The following HNF4G variants were observed in gnomAD, a reference collection of about 807,000 sequenced individuals.
HNF4G encodes the protein hepatocyte nuclear factor 4-gamma.
Under a neutral mutation model 50.9 loss-of-function variants are expected in HNF4G, and 21 were observed. The observed-to-expected ratio is 0.41, with a 90% CI of 0.29 to 0.59. The LOEUF (loss-of-function observed/expected upper bound fraction) is 0.59, where lower values mean the gene tolerates loss of function less well. Ranked by LOEUF, HNF4G falls within the 20% of genes least tolerant of loss-of-function variation. HNF4G has a pLI of 0.26. For synonymous variants in HNF4G, 198 were observed against 185.6 expected, an observed-to-expected ratio of 1.07 and a Z score of -0.54; for missense variants, 527 against 559.4, an observed-to-expected ratio of 0.94 and a Z score of 0.58.
chr8:75,430,896 A>G (rs962764498), intron 1 of HNF4G, among the ~76,000 whole-genome samples: 31 of 152,190 alleles, frequency 2.0e-4, no homozygotes, highest in African/African-American at 6.8e-4. Context: ...TAGATTACGA[A>G]GATTGTTGTT....
chr8:75,507,076 T>A (rs531818825), intron 2 of HNF4G, among the ~76,000 whole-genome samples: 14 of 152,284 alleles, frequency 9.2e-5, no homozygotes, highest in African/African-American at 3.1e-4. Context: ...TTGTATGTTT[T>A]TATGTGAGTG....
At chr8:75,466,105 A>G (rs1473023691) in intron 1 of HNF4G, among the ~76,000 whole-genome samples, 1 of 152,214 alleles carries the variant, frequency 6.6e-6, no homozygotes, top group African/African-American at 2.4e-5. Context: ...AATATCAAGT[A>G]GAGGCTCATT....
intron 2 of HNF4G, among the ~76,000 whole-genome samples, chr8:75,499,973 T>C (rs997482388): frequency 6.6e-6 from 1 of 152,086 alleles, no homozygotes; most frequent in African/African-American, 2.4e-5. Flanking sequence ...TATTAGGCAA[T>C]GGACTATTAG....
At chr8:75,452,481 A>C (rs1410108716) in intron 1 of HNF4G, among the ~76,000 whole-genome samples, 1 of 152,118 alleles carries the variant, frequency 6.6e-6, no homozygotes, top group Non-Finnish European at 1.5e-5. Flanking sequence ...GCACTTTGGG[A>C]GCCCGAAGCG....
At chr8:75,431,158 T>G (rs955589317) in intron 1 of HNF4G, among the ~76,000 whole-genome samples, 1 of 151,996 alleles carries the variant, frequency 6.6e-6, no homozygotes, top group Admixed American at 6.6e-5. Flanking sequence ...GAAAATTATA[T>G]AGAAGGTAGA....
chr8:75,555,974 T>C lies in HNF4G; in HGVS notation c.646-8T>C, dbSNP rs767881385. 6.8e-7 allele frequency: 1 copy of C among 1,469,328 alleles called. No homozygotes were observed. Among genetic ancestry groups the C allele is most frequent in the Non-Finnish European group, 9.2e-7 (1 of 1,090,056 alleles). 91.0% of individuals were successfully genotyped at this position (1,469,328 alleles called of 1,614,324 possible). A position where few individuals can be genotyped will look rare whatever the true frequency, so the allele number is the denominator to read the frequency against. ...AATTAATTGTTAAACTGAGAATTTT[T>C]CATTAAGGTGGCACTGTTGAGAGCT... On this transcript the variant is annotated splice_polypyrimidine_tract_variant and splice_region_variant and intron_variant, in intron 5 of 9. Coordinates refer to ENST00000396423, the MANE Select transcript of HNF4G (RefSeq NM_004133.5).
chr8:75,514,354 C>CTTTTTTTTTTTTTTTTTTTTTTT (rs36078375), intron 2 of HNF4G, among the ~76,000 whole-genome samples: 2 of 125,034 alleles, frequency 1.6e-5, no homozygotes, highest in Non-Finnish European at 3.3e-5. Context: ...TTTCTTCTTT[C>CTTTTTTTTTTTTTTTTTTTTTTT]TTTTTTTTTT....
At chr8:75,496,803 AC>A (rs1812780352) in intron 2 of HNF4G, among the ~76,000 whole-genome samples, 1 of 133,828 alleles carries the variant, frequency 7.5e-6, no homozygotes, top group Admixed American at 7.1e-5. Context: ...ATACATTATT[AC>A]TATATATATA....
intron 3 of HNF4G, among the ~76,000 whole-genome samples, chr8:75,547,930 G>A (rs557741724): frequency 6.6e-6 from 1 of 151,912 alleles, no homozygotes; most frequent in South Asian, 2.1e-4. Context: ...ATTGTCCAAG[G>A]CAACAAAATT....
chr8:75,521,182 G>T (rs1205240523), intron 2 of HNF4G, among the ~76,000 whole-genome samples: 24 of 152,048 alleles, frequency 1.6e-4, no homozygotes, highest in Admixed American at 1.5e-3. Flanking sequence ...ATCAGATCAG[G>T]TTTAAAACTG....
At position 75,528,058 on chromosome 8, in the gene HNF4G, A is replaced by T. The variant is rs530873881; in HGVS notation, c.-23-15753A>T. ...TAACCCTGTTCATGTGAGAGTGCAT[A>T]ATTGTGCATTTTGCAATTTCCTTGT... On this transcript the variant is annotated intron_variant, in intron 2 of 10. Coordinates refer to the HNF4G transcript ENST00000354370. 2.0e-5 allele frequency among the ~76,000 whole-genome samples: 3 copies of T among 152,280 alleles called. No homozygotes were observed. The South Asian group carries it at 6.2e-4, about 32-fold the overall frequency.
intron 1 of HNF4G, among the ~76,000 whole-genome samples, chr8:75,416,836 G>A (rs1810647905): frequency 6.6e-6 from 1 of 152,108 alleles, no homozygotes; most frequent in Non-Finnish European, 1.5e-5. Context: ...AAAAACACAT[G>A]CAGGTTTTGG....
chr8:75,563,476 T>G (rs1488273019), intron 9 of HNF4G, among the ~76,000 whole-genome samples: 1 of 151,916 alleles, frequency 6.6e-6, no homozygotes. Context: ...GACTACAACT[T>G]AGATTTCAGA....
At chr8:75,515,966 C>G (rs1805876610) in intron 2 of HNF4G, among the ~76,000 whole-genome samples, 1 of 152,102 alleles carries the variant, frequency 6.6e-6, no homozygotes, top group African/African-American at 2.4e-5. Flanking sequence ...GGTTTCTCAT[C>G]TTGGTCAGGC....
chr8:75,479,012 C>T (rs548192594), intron 1 of HNF4G, among the ~76,000 whole-genome samples: 1 of 152,290 alleles, frequency 6.6e-6, no homozygotes, highest in African/African-American at 2.4e-5. Flanking sequence ...ATGGCCACCC[C>T]GCTCGGCCGG....
At chr8:75,535,156 A>G (rs1206936210), upstream of HNF4G, among the ~76,000 whole-genome samples, 1 of 151,820 alleles carries the variant, frequency 6.6e-6, no homozygotes, top group Admixed American at 6.6e-5. Flanking sequence ...GAATCCCATC[A>G]TAAGAGGCAA....
intron 1 of HNF4G, among the ~76,000 whole-genome samples, chr8:75,487,362 T>C (rs540014592): frequency 6.6e-6 from 1 of 152,218 alleles, no homozygotes; most frequent in Admixed American, 6.5e-5. Context: ...TTTATATTTG[T>C]TATTTGGTTT....
At chr8:75,546,988 CA>C (rs1806800381) in intron 2 of HNF4G, among the ~76,000 whole-genome samples, 1 of 152,114 alleles carries the variant, frequency 6.6e-6, no homozygotes, top group Non-Finnish European at 1.5e-5. Context: ...TTTTAACCAG[CA>C]GTGTATGAGG....
chr8:75,473,773 CAGCACAGGGT>C (rs1812178240), intron 1 of HNF4G, among the ~76,000 whole-genome samples: 1 of 151,740 alleles, frequency 6.6e-6, no homozygotes, highest in Non-Finnish European at 1.5e-5. Flanking sequence ...GCAAAAGAGG[CAGCACAGGGT>C]AGGAAAGTTA....
Sources: gnomAD v4.1 joint callset for allele counts (sites outside exome capture counted in the v4.1 genomes callset) on GRCh38, gnomAD v4.1.1 for gene constraint, MANE v1.5 for transcripts, NCBI Gene and HGNC (gene_info 2026-07-23, HGNC 2026-07-21) for gene names.